SRBD1: variants seen among roughly 807,000 people sequenced by gnomAD.
SRBD1 encodes S1 RNA binding domain 1.
In SRBD1, 88 loss-of-function variants were observed where a neutral mutation model predicts 115.3. The observed-to-expected ratio is 0.76, with a 90% CI of 0.64 to 0.91. The LOEUF is 0.91. Ranked by LOEUF, SRBD1 falls within the 40% of genes least tolerant of loss-of-function variation. SRBD1 has a pLI of 0.00. For missense variants in SRBD1, 1,385 were observed against 1,177.4 expected (o/e 1.18, Z -2.58); for synonymous variants, 509 against 407.7 (o/e 1.25, Z -2.99).
At chr2:45,504,556 A>T (rs1218945839) in intron 14 of SRBD1, among the ~76,000 whole-genome samples, 2 of 152,198 alleles carry the variant, frequency 1.3e-5, no homozygotes, top group Non-Finnish European at 2.9e-5. Context: ...ATTTAACCAT[A>T]ATATTAAAAG....
chr2:45,514,817 C>T (rs567960895), intron 14 of SRBD1, among the ~76,000 whole-genome samples: 8 of 152,172 alleles, frequency 5.3e-5, no homozygotes, highest in Non-Finnish European at 1.0e-4. Flanking sequence ...TGCACTTAAA[C>T]CACTTTTAAA....
intron 15 of SRBD1, among the ~76,000 whole-genome samples, chr2:45,480,906 T>G (rs548915694): frequency 1.3e-5 from 2 of 152,314 alleles, no homozygotes; most frequent in East Asian, 3.9e-4. Flanking sequence ...CAGCATCACA[T>G]GCTACAGAGA....
chr2:45,598,560 G>C (rs576537407), intron 4 of SRBD1, among the ~76,000 whole-genome samples: 1 of 151,228 alleles, frequency 6.6e-6, no homozygotes, highest in Admixed American at 6.6e-5. Flanking sequence ...CTGACAGTGA[G>C]CACCACTGCA....
chr2:45,445,078 G>T (rs1421084325), intron 16 of SRBD1, among the ~76,000 whole-genome samples: 3 of 152,174 alleles, frequency 2.0e-5, no homozygotes, highest in African/African-American at 7.2e-5. Flanking sequence ...TAATCCAGTA[G>T]AAAAAGCATC....
At chr2:45,398,285 G>A (rs187004264) in intron 19 of SRBD1, among the ~76,000 whole-genome samples, 8 of 152,202 alleles carry the variant, frequency 5.3e-5, no homozygotes, top group African/African-American at 1.9e-4. Context: ...AATGCATGCA[G>A]CTATCTGGGC....
chr2:45,607,114 C>G (rs1344651746), intron 1 of SRBD1, among the ~76,000 whole-genome samples: 1 of 152,180 alleles, frequency 6.6e-6, no homozygotes, highest in Admixed American at 6.5e-5. Context: ...TCCCTTCACT[C>G]TCTTTTTGGC....
intron 16 of SRBD1, among the ~76,000 whole-genome samples, chr2:45,456,152 A>G (rs1669146044): frequency 1.3e-5 from 2 of 151,904 alleles, no homozygotes; most frequent in Non-Finnish European, 2.9e-5. Flanking sequence ...TGTTTAACTG[A>G]AAGACTTCTG....
chr2:45,539,452 G>A (rs1187244645), intron 14 of SRBD1, among the ~76,000 whole-genome samples: 2 of 152,060 alleles, frequency 1.3e-5, no homozygotes, highest in East Asian at 1.9e-4. Flanking sequence ...TGTAAAGCTA[G>A]GACTCCAGAG....
intron 9 of SRBD1, among the ~76,000 whole-genome samples, chr2:45,566,889 C>T (rs923115190): frequency 6.6e-6 from 1 of 152,078 alleles, no homozygotes; most frequent in East Asian, 1.9e-4. Flanking sequence ...AGATTTCTCA[C>T]TAATTCTTAA....
chr2:45,404,382 T>A (rs916537098), intron 19 of SRBD1, among the ~76,000 whole-genome samples: 2 of 152,130 alleles, frequency 1.3e-5, no homozygotes, highest in African/African-American at 4.8e-5. Context: ...CCAGATGAGA[T>A]CACTATGGGA....
chr2:45,425,188 G>A (rs928096712), intron 16 of SRBD1, among the ~76,000 whole-genome samples: 1 of 146,706 alleles, frequency 6.8e-6, no homozygotes, highest in Non-Finnish European at 1.5e-5. Context: ...ACCTTATTTA[G>A]GGGCTCAAAG....
chr2:45,430,725 T>C (rs1213553050), intron 16 of SRBD1, among the ~76,000 whole-genome samples: 4 of 152,156 alleles, frequency 2.6e-5, no homozygotes, highest in Non-Finnish European at 4.4e-5. Flanking sequence ...ATTCAGGACA[T>C]AGGCATGGGC....
chr2:45,414,685 T>TAC (rs199906080), intron 18 of SRBD1, among the ~76,000 whole-genome samples: 4 of 148,652 alleles, frequency 2.7e-5, no homozygotes, highest in African/African-American at 1.0e-4. Context: ...AGTATGTATA[T>TAC]ACACACACAC....
At chr2:45,437,488 G>C (rs4453728) in intron 16 of SRBD1, among the ~76,000 whole-genome samples, 87,992 of 152,038 alleles carry the variant, frequency 0.58, 26,622 homozygotes, top group Non-Finnish European at 0.69. Flanking sequence ...TTTGCAACAG[G>C]TGGTGCTGGA....
chr2:45,401,675 A>G (rs759169677), intron 19 of SRBD1, among the ~76,000 whole-genome samples: 2 of 152,204 alleles, frequency 1.3e-5, no homozygotes, highest in Admixed American at 6.6e-5. Flanking sequence ...CTGGCATGCC[A>G]ATGCAGAACG....
intron 1 of SRBD1, among the ~76,000 whole-genome samples, chr2:45,606,583 T>C (rs927547368): frequency 6.6e-6 from 1 of 152,216 alleles, no homozygotes; most frequent in Admixed American, 6.5e-5. Flanking sequence ...CATTCCCTTA[T>C]AATAAAAGTT....
At chr2:45,521,460 T>C (rs1405223154) in intron 14 of SRBD1, among the ~76,000 whole-genome samples, 3 of 152,010 alleles carry the variant, frequency 2.0e-5, no homozygotes, top group Admixed American at 1.3e-4. Flanking sequence ...GAGATATCAC[T>C]GCACCCCTAC....
At chr2:45,465,852 A>C (rs1669471060) in intron 16 of SRBD1, among the ~76,000 whole-genome samples, 1 of 152,202 alleles carries the variant, frequency 6.6e-6, no homozygotes, top group African/African-American at 2.4e-5. Flanking sequence ...AATTGTTTTA[A>C]AATTAAACAC....
At chr2:45,468,622 A>C (rs1669561549) in intron 16 of SRBD1, among the ~76,000 whole-genome samples, 1 of 152,112 alleles carries the variant, frequency 6.6e-6, no homozygotes, top group South Asian at 2.1e-4. Flanking sequence ...TCCTGGGCTC[A>C]AGCAATCCTC....
Sources: gnomAD v4.1 joint callset for allele counts (sites outside exome capture counted in the v4.1 genomes callset) on GRCh38, gnomAD v4.1.1 for gene constraint, MANE v1.5 for transcripts, NCBI Gene and HGNC (gene_info 2026-07-23, HGNC 2026-07-21) for gene names.